Variants in SAMMSON observed in about 807,000 individuals in gnomAD.
The protein encoded by SAMMSON is survival associated mitochondrial melanoma specific oncogenic non-coding RNA, also known as long intergenic non-protein coding RNA 1212.
intron 4 of SAMMSON, among the ~76,000 whole-genome samples, chr3:70,116,517 T>G (rs7609775): frequency 0.2 from 30,663 of 151,714 alleles, 3,220 homozygotes; most frequent in South Asian, 0.26. Flanking sequence ...CAGTGACAGT[T>G]TTTTTTTATT....
chr3:70,003,718 T>C (rs2066915137), intron 1 of SAMMSON, among the ~76,000 whole-genome samples: 1 of 151,444 alleles, frequency 6.6e-6, no homozygotes. Context: ...ATTTACCATA[T>C]TTTTTTTGCT....
chr3:70,148,837 T>C (rs1479087735), intron 4 of SAMMSON, among the ~76,000 whole-genome samples: 3 of 152,004 alleles, frequency 2.0e-5, no homozygotes, highest in Admixed American at 6.6e-5. Flanking sequence ...AACTTGAGGA[T>C]TGGGGGAACA....
intron 9 of SAMMSON, among the ~76,000 whole-genome samples, chr3:70,366,001 T>TTTC (rs1362861416): frequency 4.6e-5 from 1 of 21,798 alleles, no homozygotes; most frequent in African/African-American, 1.7e-4. Context: ...TTTTTTTTTT[T>TTTC]GAGACGGAGT....
intron 7 of SAMMSON, among the ~76,000 whole-genome samples, chr3:70,294,975 A>C (rs926439328): frequency 6.6e-6 from 1 of 152,046 alleles, no homozygotes; most frequent in Non-Finnish European, 1.5e-5. Flanking sequence ...AACCCCAAAA[A>C]CCTTTACTAG....
intron 1 of SAMMSON, among the ~76,000 whole-genome samples, chr3:70,011,885 A>G (rs1383559747): frequency 6.6e-6 from 1 of 152,144 alleles, no homozygotes. Flanking sequence ...CAAGTATTAA[A>G]GAGAGAACTG....
intron 2 of SAMMSON, among the ~76,000 whole-genome samples, chr3:70,428,564 C>A (rs1030439131): frequency 6.6e-6 from 1 of 152,116 alleles, no homozygotes; most frequent in Non-Finnish European, 1.5e-5. Context: ...AATGCTAATG[C>A]GAGTGTTGTA....
In SAMMSON at chr3:70,092,296, C is replaced by T. The variant is rs184459132; in HGVS notation, n.507+20731C>T. 6.5e-3 allele frequency among the ~76,000 whole-genome samples: 983 copies of T among 151,756 alleles called. 6 individuals are homozygous for T. Among genetic ancestry groups the T allele is most frequent in the African/African-American group, 0.021 (859 of 41,386 alleles). On this transcript the variant is annotated intron_variant and non_coding_transcript_variant, in intron 4 of 9. Transcript: ENST00000642114. The stretch of plus-strand genomic sequence containing the variant: ...GGCACATAGTAGATATATATGTATT[C>T]ATGGGTATATGAGAATATACATGAT...
intron 6 of SAMMSON, among the ~76,000 whole-genome samples, chr3:70,258,759 T>C (rs1701840487): frequency 1.3e-5 from 2 of 151,990 alleles, no homozygotes; most frequent in Admixed American, 1.3e-4. Context: ...TAACAAACAA[T>C]AGGGAAATGG....
In SAMMSON at chr3:70,309,978, A is replaced by T. The variant is rs141286006; in HGVS notation, n.739+18735A>T. ...TTTCATTATTATTTCTGTATGAGAC[A>T]TCTGTAGCACAGAGTAATTAAAGTA... On this transcript the variant is annotated intron_variant and non_coding_transcript_variant, in intron 7 of 9. Coordinates refer to ENST00000642114, the Ensembl canonical transcript of SAMMSON. 7.0e-4 allele frequency among the ~76,000 whole-genome samples: 107 copies of T among 152,306 alleles called. 1 individual carries two copies. The East Asian group carries it at 0.02, about 28-fold the overall frequency.
chr3:70,196,536 A>G (rs971893172), intron 4 of SAMMSON, among the ~76,000 whole-genome samples: 1 of 152,210 alleles, frequency 6.6e-6, no homozygotes, highest in South Asian at 2.1e-4. Flanking sequence ...ATGTATGTCA[A>G]TTCTAAAAGA....
intron 7 of SAMMSON, among the ~76,000 whole-genome samples, chr3:70,350,941 A>G (rs1336752823): frequency 6.6e-6 from 1 of 152,148 alleles, no homozygotes; most frequent in Non-Finnish European, 1.5e-5. Flanking sequence ...GGGAATAGTC[A>G]AGATAACTCC....
intron 3 of SAMMSON, among the ~76,000 whole-genome samples, chr3:70,051,134 C>CAAAAAAAAAAAAA (rs71126477): frequency 1.1e-4 from 5 of 45,222 alleles, no homozygotes; most frequent in East Asian, 6.5e-4. Flanking sequence ...TACTCCATCT[C>CAAAAAAAAAAAAA]AAAAAAAAAA....
At chr3:70,353,811 G>GA (rs770087647) in intron 7 of SAMMSON, among the ~76,000 whole-genome samples, 4 of 152,130 alleles carry the variant, frequency 2.6e-5, no homozygotes, top group Non-Finnish European at 4.4e-5. Context: ...CAAAACTGAA[G>GA]ACAACTCAGA....
chr3:70,278,637 C>A (rs1241024949), intron 6 of SAMMSON, among the ~76,000 whole-genome samples: 2 of 152,056 alleles, frequency 1.3e-5, no homozygotes, highest in East Asian at 1.9e-4. Context: ...ATATACTTGG[C>A]TCTAGAATAT....
intron 7 of SAMMSON, among the ~76,000 whole-genome samples, chr3:70,318,053 C>A (rs1470398967): frequency 6.6e-6 from 1 of 150,654 alleles, no homozygotes; most frequent in African/African-American, 2.4e-5. Flanking sequence ...TTTTCTTTTT[C>A]TTTCTTTCAG....
chr3:70,080,182 G>T (rs1207367373), intron 4 of SAMMSON, among the ~76,000 whole-genome samples: 1 of 152,190 alleles, frequency 6.6e-6, no homozygotes, highest in Non-Finnish European at 1.5e-5. Flanking sequence ...ATATCAGGAG[G>T]CACTCACTGT....
At chr3:70,364,982 T>C (rs888127104) in intron 9 of SAMMSON, among the ~76,000 whole-genome samples, 1 of 151,774 alleles carries the variant, frequency 6.6e-6, no homozygotes, top group Non-Finnish European at 1.5e-5. Flanking sequence ...TTTTGTCACA[T>C]TATTTTTTTT....
At chr3:70,106,361 G>A (rs2106657664) in intron 4 of SAMMSON, among the ~76,000 whole-genome samples, 1 of 150,022 alleles carries the variant, frequency 6.7e-6, no homozygotes, top group African/African-American at 2.5e-5. Context: ...TTTTTTAAGA[G>A]ACAGGGTCTA....
At chr3:70,213,683 T>C (rs963793000) in intron 4 of SAMMSON, among the ~76,000 whole-genome samples, 2 of 152,138 alleles carry the variant, frequency 1.3e-5, no homozygotes, top group Admixed American at 6.6e-5. Flanking sequence ...GTGAAGTTCA[T>C]TCAAATGTTA....
Sources: allele counts gnomAD v4.1 joint callset (sites outside exome capture counted in the v4.1 genomes callset), GRCh38; gene constraint gnomAD v4.1.1; transcripts MANE v1.5; gene names NCBI Gene and HGNC (gene_info 2026-07-23, HGNC 2026-07-21).